SOX5: variants seen among roughly 807,000 people sequenced by gnomAD.
SOX5 encodes SRY-box transcription factor 5.
A neutral mutation model predicts 92.0 loss-of-function variants in SOX5; 9 were observed. The observed-to-expected ratio is 0.10, with a 90% CI of 0.06 to 0.17. The LOEUF (loss-of-function observed/expected upper bound fraction) is 0.17, where lower values mean the gene tolerates loss of function less well. Ranked by LOEUF, SOX5 falls within the 10% of genes least tolerant of loss-of-function variation. The pLI is 1.00. For synonymous variants in SOX5, 344 were observed against 336.3 expected (o/e 1.02, Z -0.25); for missense variants, 642 against 944.5 (o/e 0.68, Z 4.20).
chr12:24,344,429 C>T (rs963211839), intron 2 of SOX5, among the ~76,000 whole-genome samples: 3 of 151,842 alleles, frequency 2.0e-5, no homozygotes, highest in Admixed American at 1.3e-4. Flanking sequence ...ATGGGAACAA[C>T]GTCGGGGAGA....
chr12:24,255,217 T>C (rs78789874), intron 3 of SOX5, among the ~76,000 whole-genome samples: 3,343 of 152,274 alleles, frequency 0.022, 109 homozygotes, highest in African/African-American at 0.074. Context: ...TATGTATATG[T>C]GTCTTTGCTG....
intron 4 of SOX5, among the ~76,000 whole-genome samples, chr12:23,998,828 G>C (rs1245145393): frequency 6.8e-6 from 1 of 147,734 alleles, no homozygotes; most frequent in East Asian, 2.0e-4. Flanking sequence ...AAAAAAAAGG[G>C]GGGGCGAAAA....
chr12:24,544,643 C>A (rs927486979), intron 1 of SOX5, among the ~76,000 whole-genome samples: 5 of 152,162 alleles, frequency 3.3e-5, no homozygotes, highest in African/African-American at 1.2e-4. Context: ...CACACACATT[C>A]CCTCCATGAT....
intron 4 of SOX5, among the ~76,000 whole-genome samples, chr12:24,131,738 A>G (rs1293939309): frequency 6.6e-6 from 1 of 152,200 alleles, no homozygotes; most frequent in African/African-American, 2.4e-5. Context: ...CACACAGAAT[A>G]AATTCATGTG....
At chr12:23,661,129 A>C (rs2082986830) in intron 7 of SOX5, among the ~76,000 whole-genome samples, 1 of 152,244 alleles carries the variant, frequency 6.6e-6, no homozygotes, top group South Asian at 2.1e-4. Flanking sequence ...TTTATACTGC[A>C]TATAGTAAAT....
chr12:23,863,478 C>T (rs551942659), intron 2 of SOX5, among the ~76,000 whole-genome samples: 68 of 152,270 alleles, frequency 4.5e-4, no homozygotes, highest in Non-Finnish European at 7.2e-4. Flanking sequence ...TTTCAATCCA[C>T]ATCTCTGATT....
chr12:24,458,937 G>A lies in SOX5; in HGVS notation c.-250-90298C>T, dbSNP rs551074349. ...TAGAAGAGACCAAAAGAAATTGTCA[G>A]TACTCTCCCACTGCAATCACTTTAG... On this transcript the variant is annotated intron_variant, in intron 1 of 4. Transcript: ENST00000446891. Among the ~76,000 whole-genome samples, 6 of 152,202 alleles carry A rather than the reference G, an allele frequency of 3.9e-5. No individual in the cohort carries two copies. In the South Asian group the frequency reaches 1.2e-3, roughly 32 times the overall value.
intron 6 of SOX5, among the ~76,000 whole-genome samples, chr12:23,699,896 C>G (rs752520173): frequency 6.6e-6 from 1 of 152,090 alleles, no homozygotes; most frequent in Admixed American, 6.6e-5. Context: ...ATAGTTGATG[C>G]CCTACTTTAC....
At chr12:23,677,029 T>C (rs971817513) in intron 6 of SOX5, among the ~76,000 whole-genome samples, 1 of 152,238 alleles carries the variant, frequency 6.6e-6, no homozygotes, top group Non-Finnish European at 1.5e-5. Flanking sequence ...AAAAGTCTTA[T>C]GTTTTAGCTT....
intron 1 of SOX5, among the ~76,000 whole-genome samples, chr12:24,397,479 C>T (rs545634337): frequency 3.9e-5 from 6 of 152,090 alleles, no homozygotes; most frequent in Non-Finnish European, 7.3e-5. Flanking sequence ...TATGAAGATG[C>T]ACTCAACTCC....
At chr12:23,797,282 G>A (rs1482004758) in intron 3 of SOX5, among the ~76,000 whole-genome samples, 1 of 151,854 alleles carries the variant, frequency 6.6e-6, no homozygotes, top group African/African-American at 2.4e-5. Context: ...TAATTTTTGG[G>A]CAGTGGTTCA....
At chr12:23,882,375 A>G (rs569926917) in intron 2 of SOX5, among the ~76,000 whole-genome samples, 62 of 151,944 alleles carry the variant, frequency 4.1e-4, no homozygotes, top group Non-Finnish European at 8.4e-4. Flanking sequence ...GATATACTAA[A>G]AAAAAAAAAC....
At chr12:23,968,512 T>C (rs1243496832) in intron 4 of SOX5, among the ~76,000 whole-genome samples, 2 of 152,104 alleles carry the variant, frequency 1.3e-5, no homozygotes, top group African/African-American at 4.8e-5. Context: ...CGGGAGTGGG[T>C]TTCTTATCAA....
At chr12:24,468,859 T>C (rs1259777015) in intron 1 of SOX5, among the ~76,000 whole-genome samples, 1 of 152,160 alleles carries the variant, frequency 6.6e-6, no homozygotes, top group Non-Finnish European at 1.5e-5. Flanking sequence ...CCTATTTCCA[T>C]CTTAACTTTT....
rs1270559217 is a variant in SOX5 at position 23,532,093 on chromosome 12, C to CCAT, written c.*2123_*2125dup. Reference sequence around the variant, plus strand: ...AACTTACTAATCTGGGAACAGCTGACCATTATTATTATTATTACTATTATT... The same window carrying CCAT: ...AACTTACTAATCTGGGAACAGCTGACCATCATTATTATTATTATTACTATTATT... On this transcript the variant is annotated 3_prime_UTR_variant, in exon 15 of 15. Transcript: ENST00000451604. The CCAT allele has an allele frequency of 3.3e-5, 5 of 150,974 alleles. No homozygotes were observed. Among genetic ancestry groups the CCAT allele is most frequent in the African/African-American group, 1.2e-4 (5 of 41,218 alleles). The allele number at this position is 150,974 out of a possible 1,614,324, so 9.4% of individuals were successfully genotyped here. A position where few individuals can be genotyped will look rare whatever the true frequency, so the allele number is the denominator to read the frequency against.
At chr12:23,964,460 G>A (rs1202303442) in intron 4 of SOX5, among the ~76,000 whole-genome samples, 1 of 152,088 alleles carries the variant, frequency 6.6e-6, no homozygotes, top group East Asian at 1.9e-4. Context: ...ATACATAGTT[G>A]TCCTGTTAGC....
At chr12:24,481,500 T>A (rs1034153992) in intron 1 of SOX5, among the ~76,000 whole-genome samples, 70 of 152,282 alleles carry the variant, frequency 4.6e-4, no homozygotes, top group African/African-American at 1.6e-3. Flanking sequence ...TTATTATGCA[T>A]TGCATGCTTG....
Position 24,316,108 on chromosome 12 carries a change from G to A in SOX5, c.-173-38796C>T, listed in dbSNP as rs1949674136. Among the ~76,000 whole-genome samples the A allele has an allele frequency of 3.3e-5, 5 of 152,242 alleles. No individual in the cohort carries two copies. In the South Asian group the frequency reaches 6.2e-4, roughly 19 times the overall value. On this transcript the variant is annotated intron_variant, in intron 2 of 4. Coordinates refer to the SOX5 transcript ENST00000446891. ...TGTCACTTGTAGTATTCTCTTCATT[G>A]GTAATTACAGAATAAAAATCACTGG...
intron 1 of SOX5, among the ~76,000 whole-genome samples, chr12:24,453,103 C>T (rs1469201202): frequency 4.0e-5 from 6 of 151,882 alleles, no homozygotes; most frequent in Non-Finnish European, 8.8e-5. Flanking sequence ...AGGAGTGGAC[C>T]TAATTCAGAA....
Sources: allele counts gnomAD v4.1 joint callset (sites outside exome capture counted in the v4.1 genomes callset), GRCh38; gene constraint gnomAD v4.1.1; transcripts MANE v1.5; gene names NCBI Gene and HGNC (gene_info 2026-07-23, HGNC 2026-07-21).